The following BET1L variants were observed in gnomAD, a reference collection of about 807,000 sequenced individuals.
BET1L encodes BET1-like protein.
BET1L carries 13 observed loss-of-function variants against 12.6 expected under a neutral mutation model. The observed-to-expected ratio is 1.03, with a 90% CI of 0.67 to 1.64. The LOEUF is 1.64. BET1L is among the 40% of genes most tolerant of loss of function. The pLI is 0.00. For missense variants in BET1L, 154 were observed against 150.7 expected, an observed-to-expected ratio of 1.02 and a Z score of -0.11; for synonymous variants, 60 against 56.9, an observed-to-expected ratio of 1.05 and a Z score of -0.25.
Position 205,267 on chromosome 11 carries a change from G to T in BET1L, c.*35C>A, listed in dbSNP as rs1182554432. The T allele has an allele frequency of 6.3e-7, 1 of 1,594,664 alleles. No homozygotes were observed. Among genetic ancestry groups the T allele is most frequent in the Middle Eastern group, 1.7e-4 (1 of 5,794 alleles). On this transcript the variant is annotated 3_prime_UTR_variant, in exon 4 of 4. Coordinates refer to ENST00000382762, the MANE Select transcript of BET1L (RefSeq NM_001098787.2). ...ACACCAGGCAGGGAAGACCCTGGCT[G>T]CCCTTGGCACCCACAGACACCAGCT...
chr11:207,041 G>A (rs1177224624), intron 1 of BET1L: 1 of 499,044 alleles, frequency 2.0e-6, no homozygotes, highest in South Asian at 2.7e-5. Context: ...ACAGGGGGCG[G>A]CGGGGAGTGG....
Position 205,412 on chromosome 11 carries a change from T to C in BET1L, c.226A>G (p.Thr76Ala). Residue 76 changes from threonine (T) to alanine (A), a missense_variant, in exon 4 of 4, where the codon ACA becomes GCA. Thr to Ala is a moderately conservative substitution (Grantham distance 58, BLOSUM62 0). Transcript: ENST00000382762. Reference sequence around the variant, plus strand: ...TTGTCTTGTCCGGACCTTGCCATTGTGGAAAAGCGCTTCACGCTCCCTGTA... The same window carrying C: ...TTGTCTTGTCCGGACCTTGCCATTGCGGAAAAGCGCTTCACGCTCCCTGTA... ...LLTGSVKRFS[T>A]MARSGQDNRK... 2 of 1,614,194 alleles carry C rather than the reference T, an allele frequency of 1.2e-6. No homozygotes were observed. The highest frequency in any genetic ancestry group is 1.7e-6 in the Non-Finnish European group (2 of 1,180,042).
rs1051652284 is a variant in BET1L, at chr11:205,075, C to T, written c.*227G>A. The T allele has an allele frequency of 1.9e-6, 1 of 521,930 alleles. No homozygotes were observed. Among genetic ancestry groups the T allele is most frequent in the Non-Finnish European group, 3.4e-6 (1 of 297,964 alleles). The allele number at this position is 521,930 out of a possible 1,614,324, so 32.3% of individuals were successfully genotyped here. A position where few individuals can be genotyped will look rare whatever the true frequency, so the allele number is the denominator to read the frequency against. ...TAGCACCTGGGGGAGGGGGGAGGGG[C>T]TGGGCCTTGGTTTCCCCGAGAGAGT... On this transcript the variant is annotated 3_prime_UTR_variant, in exon 4 of 4. Coordinates refer to ENST00000382762, the MANE Select transcript of BET1L (RefSeq NM_001098787.2).
intron 1 of BET1L, 51 bp downstream of exon 1, chr11:207,252 G>A (rs763884819): frequency 2.0e-6 from 3 of 1,507,682 alleles, no homozygotes; most frequent in South Asian, 1.2e-5. Flanking sequence ...AGGCAGCGGC[G>A]TCGGTTTCGG....
rs202189044 is a variant in BET1L at position 206,005 on chromosome 11, C to T, written c.58G>A (p.Glu20Lys). The change falls in exon 2 of 4, where the codon GAG becomes AAG. Residue 20 changes from glutamate to lysine, a missense_variant. Glu to Lys is a moderately conservative substitution (Grantham distance 56). Coordinates refer to ENST00000382762, the MANE Select transcript of BET1L (RefSeq NM_001098787.2). ...PGAVEEILDR[E>K]NKRMADSLAS... The stretch of plus-strand genomic sequence containing the variant: ...AGGCTGTCAGCCATTCGCTTGTTCT[C>T]CCGGTCTAGAATCTCTTCCACAGCG... 105 of 1,614,088 alleles carry T rather than the reference C, an allele frequency of 6.5e-5. No homozygotes were observed. The East Asian group carries it at 2.3e-3, about 36-fold the overall frequency.
intron 3 of BET1L, 53 bp from the exon 4 acceptor site, chr11:205,522 C>T: frequency 5.0e-6 from 8 of 1,614,198 alleles, no homozygotes; most frequent in Non-Finnish European, 6.8e-6. Flanking sequence ...TGACCACCCA[C>T]CCGCACCAGT....
chr11:205,906 T>C, intron 2 of BET1L, 46 bp downstream of exon 2: 1 of 1,591,766 alleles, frequency 6.3e-7, no homozygotes, highest in South Asian at 1.1e-5. Flanking sequence ...TGATCCCCAT[T>C]CCCCAAAGGC....
Position 205,233 on chromosome 11 carries a change from G to T in BET1L, c.*69C>A. ...GAGTATTTTGTAGGTAAGTCCTCTG[G>T]AGCCCAAAACACCAGGCAGGGAAGA... On this transcript the variant is annotated 3_prime_UTR_variant, in exon 4 of 4. Coordinates refer to ENST00000382762, the MANE Select transcript of BET1L (RefSeq NM_001098787.2). 6.6e-7 allele frequency: 1 copy of T among 1,526,348 alleles called. No homozygotes were observed. Among genetic ancestry groups the T allele is most frequent in the East Asian group, 2.3e-5 (1 of 43,156 alleles). 94.6% of individuals were successfully genotyped at this position (1,526,348 alleles called of 1,614,324 possible).
chr11:205,547 T>C (rs776075106), intron 3 of BET1L, 64 bp downstream of exon 3: 3 of 1,614,150 alleles, frequency 1.9e-6, no homozygotes, highest in Non-Finnish European at 2.5e-6. Context: ...AAGGAGACAC[T>C]GCAGGCTCTG....
Position 207,393 on chromosome 11 carries a change from G to C in BET1L, c.-72C>G. On this transcript the variant is annotated 5_prime_UTR_variant, in exon 1 of 4. Coordinates refer to ENST00000382762, the MANE Select transcript of BET1L (RefSeq NM_001098787.2). ...CCGCCTCAGACGTGGCGCAGTCGCG[G>C]GGAAAGAGCTTCCGGCCCCGCCCCC... 4.0e-6 allele frequency: 5 copies of C among 1,261,486 alleles called. No individual in the cohort carries two copies. Among genetic ancestry groups the C allele is most frequent in the Non-Finnish European group, 5.0e-6 (5 of 1,003,656 alleles). 78.1% of individuals were successfully genotyped at this position (1,261,486 alleles called of 1,614,324 possible).
intron 2 of BET1L, 113 bp downstream of exon 2, chr11:205,839 G>A (rs1477518732): frequency 1.5e-5 from 21 of 1,443,634 alleles, no homozygotes; most frequent in Admixed American, 7.1e-5. Context: ...GCACAGCCAC[G>A]AATTGGATGA....
chr11:205,564 G>GT (rs1199889983), intron 3 of BET1L, 47 bp downstream of exon 3: 1 of 1,613,998 alleles, frequency 6.2e-7, no homozygotes, highest in Non-Finnish European at 8.5e-7. Flanking sequence ...TCTGCAGCAG[G>GT]TAGTGCTAGG....
In BET1L at chr11:207,358, G is replaced by T; in HGVS notation, c.-37C>A. 6.5e-7 allele frequency: 1 copy of T among 1,547,402 alleles called. No homozygotes were observed. The highest frequency in any genetic ancestry group is 8.7e-7 in the Non-Finnish European group (1 of 1,154,572). Reference sequence around the variant, plus strand: ...CCGGCTCCTCGACGCGGACACCGACGCGGCCACAGCCGCCTCAGACGTGGC... The same window carrying T: ...CCGGCTCCTCGACGCGGACACCGACTCGGCCACAGCCGCCTCAGACGTGGC... On this transcript the variant is annotated 5_prime_UTR_variant, in exon 1 of 4. Transcript: ENST00000382762.
In BET1L at chr11:205,466, A is replaced by G; in HGVS notation, c.172T>C (p.Ser58Pro). 1 of 1,614,198 alleles carries G rather than the reference A, an allele frequency of 6.2e-7. No homozygotes were observed. The highest frequency in any genetic ancestry group is 2.2e-5 in the East Asian group (1 of 44,890). Residue 58 changes from serine to proline, a missense_variant, in exon 4 of 4, where the codon TCG becomes CCG. Transcript: ENST00000382762. ...AGGCTGGTCATGCTTGTGAAATCCG[A>G]GTCCTAAGGGAGGAATCCCAGCAAG... is the stretch of plus-strand genomic sequence containing the variant. ...DQNRYLDGMD[S>P]DFTSMTSLLT... is the part of the protein sequence containing the mutation.
chr11:207,207 C>T, intron 1 of BET1L, 96 bp downstream of exon 1: 1 of 1,455,132 alleles, frequency 6.9e-7, no homozygotes, highest in Non-Finnish European at 9.1e-7. Context: ...CGAGGTCACC[C>T]CAGCTGGGCC....
chr11:205,397 C>T lies in BET1L; in HGVS notation c.241G>A (p.Gly81Arg), dbSNP rs201986208. The T allele has an allele frequency of 3.2e-5, 51 of 1,614,210 alleles. No individual in the cohort carries two copies. Among genetic ancestry groups the T allele is most frequent in the South Asian group, 2.0e-4 (18 of 91,076 alleles). The change falls in exon 4 of 4, where the codon GGA becomes AGA. Residue 81 changes from glycine to arginine, a missense_variant. By Grantham distance (125) the Gly-to-Arg change is moderately radical (BLOSUM62 -2). Coordinates refer to ENST00000382762, the MANE Select transcript of BET1L (RefSeq NM_001098787.2). Reference protein sequence around the residue: ...VKRFSTMARSGQDNRKLLCGM... With the variant: ...VKRFSTMARSRQDNRKLLCGM... ...CATAGAAGCTTCCGGTTGTCTTGTC[C>T]GGACCTTGCCATTGTGGAAAAGCGC...
Position 205,244 on chromosome 11 carries a change from A to G in BET1L, c.*58T>C. ...AGGTAAGTCCTCTGGAGCCCAAAAC[A>G]CCAGGCAGGGAAGACCCTGGCTGCC... On this transcript the variant is annotated 3_prime_UTR_variant, in exon 4 of 4. Coordinates refer to ENST00000382762, the MANE Select transcript of BET1L (RefSeq NM_001098787.2). 4 of 1,558,450 alleles carry G rather than the reference A, an allele frequency of 2.6e-6. No homozygotes were observed. Among genetic ancestry groups the G allele is most frequent in the Non-Finnish European group, 3.5e-6 (4 of 1,150,768 alleles).
In BET1L at chr11:204,102, GT is replaced by G. The variant is rs1175475137; in HGVS notation, c.*1199del. 6.6e-6 allele frequency: 1 copy of G among 152,666 alleles called. No individual in the cohort carries two copies. The highest frequency in any genetic ancestry group is 2.4e-5 in the African/African-American group (1 of 41,452). 9.5% of individuals were successfully genotyped at this position (152,666 alleles called of 1,614,324 possible). ...CAGGTGGGGGGACAGTGATCCCATAGTCCCCAGGGAGTGACTGGGAGGCAGA... is the reference window on the plus strand; with the variant it reads ...CAGGTGGGGGGACAGTGATCCCATAGCCCCAGGGAGTGACTGGGAGGCAGA... On this transcript the variant is annotated 3_prime_UTR_variant, in exon 4 of 4. Coordinates refer to ENST00000382762, the MANE Select transcript of BET1L (RefSeq NM_001098787.2).
chr11:205,394 G>C lies in BET1L; in HGVS notation c.244C>G (p.Gln82Glu), dbSNP rs1461775788. The change falls in exon 4 of 4, where the codon CAA (glutamine) becomes GAA (glutamate). Residue 82 changes from glutamine (Q) to glutamate (E), a missense_variant. Gln to Glu is a conservative substitution (Grantham distance 29, BLOSUM62 2). Coordinates refer to ENST00000382762, the MANE Select transcript of BET1L (RefSeq NM_001098787.2). ...CCACATAGAAGCTTCCGGTTGTCTT[G>C]TCCGGACCTTGCCATTGTGGAAAAG... ...KRFSTMARSG[Q>E]DNRKLLCGMA... 2 of 1,614,084 alleles carry C rather than the reference G, an allele frequency of 1.2e-6. No individual in the cohort carries two copies. Among genetic ancestry groups the C allele is most frequent in the African/African-American group, 2.7e-5 (2 of 74,916 alleles).
Sources: allele counts gnomAD v4.1 joint callset, GRCh38; gene constraint gnomAD v4.1.1; transcripts MANE v1.5; gene names NCBI Gene and HGNC (gene_info 2026-07-23, HGNC 2026-07-21).